MAGI2: variants seen among roughly 807,000 people sequenced by gnomAD.
MAGI2 encodes membrane associated guanylate kinase, WW and PDZ domain containing 2, also known as membrane-associated guanylate kinase, WW and PDZ domain-containing protein 2.
Under a neutral mutation model 133.3 loss-of-function variants are expected in MAGI2, and 35 were observed. That is an observed-to-expected ratio of 0.26 (90% CI 0.20 to 0.35). The LOEUF is 0.35. MAGI2 is among the 10% of genes least tolerant of loss of function. The pLI, the probability that MAGI2 is intolerant of heterozygous loss-of-function variation, is 1.00. For synonymous variants in MAGI2, 729 were observed against 710.6 expected, an observed-to-expected ratio of 1.03 and a Z score of -0.41; for missense variants, 1,636 against 1,863.4, an observed-to-expected ratio of 0.88 and a Z score of 2.25.
intron 1 of MAGI2, among the ~76,000 whole-genome samples, chr7:79,217,901 T>C (rs915471500): frequency 1.3e-5 from 2 of 151,978 alleles, no homozygotes; most frequent in South Asian, 4.1e-4. Context: ...TTTGCTAATA[T>C]GATAAATTTT....
intron 4 of MAGI2, among the ~76,000 whole-genome samples, chr7:78,512,874 G>C (rs1379153705): frequency 6.6e-6 from 1 of 152,144 alleles, no homozygotes; most frequent in Admixed American, 6.5e-5. Flanking sequence ...TGGGTAGAAG[G>C]TGACAAGGAA....
At chr7:78,480,421 TCACAAAACATAGACACAAAAGACATAGA>T (rs1792234503) in intron 6 of MAGI2, among the ~76,000 whole-genome samples, 3 of 150,282 alleles carry the variant, frequency 2.0e-5, no homozygotes, top group Middle Eastern at 6.8e-3. Flanking sequence ...AGACACAAAA[TCACAAAACATAGACACAAAAGACATAGA>T]CACAAAACAC....
chr7:79,168,889 G>GATAGAT lies in MAGI2; in HGVS notation c.302-161684_302-161683insATCTAT, dbSNP rs1396243710. 6.2e-3 allele frequency among the ~76,000 whole-genome samples: 90 copies of GATAGAT among 14,536 alleles called. 1 individual carries two copies. The highest frequency in any genetic ancestry group is 0.011 in the Admixed American group (14 of 1,228). The allele number at this position is 14,536 out of a possible 152,430, so 9.5% of individuals were successfully genotyped here. A position where few individuals can be genotyped will look rare whatever the true frequency, so the allele number is the denominator to read the frequency against. ...TGCCAGGTTTTTCTTTCTAAAGATA[G>GATAGAT]ATATATATATATATATATATATATA... On this transcript the variant is annotated intron_variant, in intron 1 of 21. Transcript: ENST00000354212.
At position 78,125,560 on chromosome 7, in the gene MAGI2, C is replaced by G. The variant is rs1056445124; in HGVS notation, c.3567+134G>C. ...AGCAAGTGGCCAGACTTTTAAGAAA[C>G]TGGGTCATCATCAACTAGAAAGAGG... On this transcript the variant is annotated intron_variant, in intron 20 of 21. Transcript: ENST00000354212. 6.5e-5 allele frequency: 50 copies of G among 766,846 alleles called. No homozygotes were observed. In the Middle Eastern group the frequency reaches 1.8e-3, roughly 28 times the overall value. The allele number at this position is 766,846 out of a possible 1,614,324, so 47.5% of individuals were successfully genotyped here.
intron 2 of MAGI2, among the ~76,000 whole-genome samples, chr7:78,867,237 A>G (rs3952348): frequency 1.3e-5 from 2 of 151,646 alleles, no homozygotes; most frequent in African/African-American, 4.8e-5. Flanking sequence ...AGACACATGC[A>G]CACGTATGTT....
chr7:78,463,737 C>G (rs965305163), intron 6 of MAGI2, among the ~76,000 whole-genome samples: 4 of 152,098 alleles, frequency 2.6e-5, no homozygotes, highest in Non-Finnish European at 5.9e-5. Flanking sequence ...GTTTAGGAAG[C>G]AAGGAAGAAT....
intron 18 of MAGI2, among the ~76,000 whole-genome samples, chr7:78,132,058 A>C (rs554292272): frequency 9.5e-4 from 145 of 152,258 alleles, no homozygotes; most frequent in Middle Eastern, 3.4e-3. Context: ...TGTTTTTTGT[A>C]GAGGTGGGGT....
intron 2 of MAGI2, among the ~76,000 whole-genome samples, chr7:78,955,773 C>CA (rs1554310447): frequency 2.1e-5 from 2 of 95,424 alleles, no homozygotes; most frequent in African/African-American, 3.8e-5. Context: ...TTCTTTCTTT[C>CA]TTTCTTTCTT....
At chr7:79,211,937 T>A (rs1231108276) in intron 1 of MAGI2, among the ~76,000 whole-genome samples, 1 of 151,974 alleles carries the variant, frequency 6.6e-6, no homozygotes. Flanking sequence ...ACACAGCTTG[T>A]GTAATAATAC....
intron 16 of MAGI2, among the ~76,000 whole-genome samples, chr7:78,157,097 T>C (rs932922886): frequency 6.6e-6 from 1 of 152,204 alleles, no homozygotes; most frequent in Non-Finnish European, 1.5e-5. Context: ...TTCAAAATTA[T>C]CACAGATGTT....
At chr7:78,997,845 T>C (rs1806467785) in intron 2 of MAGI2, among the ~76,000 whole-genome samples, 2 of 152,164 alleles carry the variant, frequency 1.3e-5, no homozygotes, top group Admixed American at 6.5e-5. Flanking sequence ...CTTATTAAAA[T>C]TCAACATTAG....
intron 1 of MAGI2, chr7:79,410,815 A>G (rs1846093726): frequency 6.6e-6 from 1 of 152,150 alleles, no homozygotes; most frequent in African/African-American, 2.4e-5. Context: ...CAAGGTGTTG[A>G]AAGGAAAAAA....
chr7:78,080,611 A>T (rs988406771), intron 20 of MAGI2, among the ~76,000 whole-genome samples: 1 of 152,220 alleles, frequency 6.6e-6, no homozygotes, highest in African/African-American at 2.4e-5. Flanking sequence ...GAAGTTACAT[A>T]TAGAAAAAGT....
At chr7:78,498,677 C>T (rs951446460) in intron 5 of MAGI2, among the ~76,000 whole-genome samples, 2 of 152,120 alleles carry the variant, frequency 1.3e-5, no homozygotes, top group Admixed American at 6.5e-5. Flanking sequence ...CTCTGTGATA[C>T]CTGCGTTCAC....
intron 9 of MAGI2, among the ~76,000 whole-genome samples, chr7:78,274,366 G>T (rs530668093): frequency 6.6e-6 from 1 of 152,186 alleles, no homozygotes; most frequent in Non-Finnish European, 1.5e-5. Context: ...TGTATGAGGT[G>T]TCTGTCAGCT....
intron 21 of MAGI2, among the ~76,000 whole-genome samples, chr7:78,067,150 A>T (rs1813919995): frequency 6.6e-6 from 1 of 152,344 alleles, no homozygotes; most frequent in South Asian, 2.1e-4. Context: ...AAATTTCACG[A>T]TTTATTAATT....
chr7:78,732,061 G>A (rs983170312), intron 2 of MAGI2, among the ~76,000 whole-genome samples: 2 of 152,028 alleles, frequency 1.3e-5, no homozygotes, highest in African/African-American at 4.8e-5. Context: ...GAAAGAATGA[G>A]AGAGAGAGAA....
At chr7:78,643,919 A>C (rs1343814354) in intron 2 of MAGI2, among the ~76,000 whole-genome samples, 5 of 152,064 alleles carry the variant, frequency 3.3e-5, no homozygotes, top group African/African-American at 7.2e-5. Context: ...AAAGAGCAAA[A>C]CTCACCTATA....
intron 3 of MAGI2, chr7:78,615,833 A>T (rs1428393103): frequency 6.6e-6 from 1 of 152,184 alleles, no homozygotes; most frequent in African/African-American, 2.4e-5. Context: ...TTCATACTTA[A>T]AATACACATT....
Sources: allele counts gnomAD v4.1 joint callset (sites outside exome capture counted in the v4.1 genomes callset), GRCh38; gene constraint gnomAD v4.1.1; transcripts MANE v1.5; gene names NCBI Gene and HGNC (gene_info 2026-07-23, HGNC 2026-07-21).